Variants in TMEM120B observed in about 807,000 individuals in gnomAD.
TMEM120B encodes the protein transmembrane protein 120B.
TMEM120B carries 31 observed loss-of-function variants against 55.5 expected under a neutral mutation model. The ratio of observed to expected loss-of-function variants is 0.56; its 90% confidence interval spans 0.42 to 0.75. The LOEUF (loss-of-function observed/expected upper bound fraction) is 0.75, where lower values mean the gene tolerates loss of function less well. Ranked by LOEUF, TMEM120B falls within the 30% of genes least tolerant of loss-of-function variation. The probability of loss-of-function intolerance (pLI) is 0.00; values close to 1 mark genes in which losing one functional copy is unlikely to be tolerated. For missense variants in TMEM120B, 399 were observed against 425.5 expected (o/e 0.94, Z 0.55); for synonymous variants, 203 against 176.3 (o/e 1.15, Z -1.20).
intron 1 of TMEM120B, among the ~76,000 whole-genome samples, chr12:121,716,327 G>A (rs1894702659): frequency 6.6e-6 from 1 of 150,386 alleles, no homozygotes; most frequent in East Asian, 2.0e-4. Context: ...AAAAAAAAGA[G>A]ATTTGTTGGG....
intron 5 of TMEM120B, chr12:121,758,505 C>T (rs1275630504): frequency 2.1e-6 from 2 of 953,874 alleles, no homozygotes; most frequent in African/African-American, 2.4e-5. Context: ...CCCAGCCCCG[C>T]GCTGTGGTCA....
In TMEM120B at chr12:121,780,855, T is replaced by C. The variant is rs1478834660; in HGVS notation, c.*5133T>C. The C allele has an allele frequency of 3.1e-6, 5 of 1,609,302 alleles. No homozygotes were observed. In the South Asian group the frequency reaches 5.5e-5, roughly 18 times the overall value. On this transcript the variant is annotated 3_prime_UTR_variant, in exon 12 of 12. Transcript: ENST00000449592. ...TCACAGCCACGGCTGTGCCCCAGGG[T>C]CTTGGCCCCGGCCCACCTGCATGTA...
intron 1 of TMEM120B, among the ~76,000 whole-genome samples, chr12:121,734,436 T>G (rs1344435446): frequency 1.3e-5 from 2 of 151,784 alleles, no homozygotes; most frequent in African/African-American, 4.8e-5. Flanking sequence ...TTTTGTACTT[T>G]TAGTAGAGAT....
chr12:121,724,857 G>A (rs1215668468), intron 1 of TMEM120B, among the ~76,000 whole-genome samples: 1 of 151,896 alleles, frequency 6.6e-6, no homozygotes, highest in Non-Finnish European at 1.5e-5. Context: ...TGATCCACCC[G>A]CCTTGGCCTC....
At chr12:121,737,176 T>C (rs1872771129) in intron 1 of TMEM120B, among the ~76,000 whole-genome samples, 1 of 152,138 alleles carries the variant, frequency 6.6e-6, no homozygotes, top group East Asian at 1.9e-4. Flanking sequence ...CCTCTCTATG[T>C]GAGGCATAAT....
intron 1 of TMEM120B, among the ~76,000 whole-genome samples, chr12:121,738,628 AG>A (rs771950191): frequency 3.3e-5 from 5 of 152,238 alleles, no homozygotes; most frequent in Admixed American, 6.6e-5. Flanking sequence ...ATTAAAACAC[AG>A]CCTTTCTCCA....
In TMEM120B at chr12:121,781,183, T is replaced by C; in HGVS notation, c.*5461T>C. 1.2e-6 allele frequency: 2 copies of C among 1,614,154 alleles called. No homozygotes were observed. The highest frequency in any genetic ancestry group is 1.7e-5 in the Admixed American group (1 of 60,022). ...GGACAGGGGCCGCAGCCGGTCATAG[T>C]CTTCTTGCCCTGAAAGCACAGAGCA... On this transcript the variant is annotated 3_prime_UTR_variant, in exon 12 of 12. Coordinates refer to ENST00000449592, the MANE Select transcript of TMEM120B (RefSeq NM_001080825.2).
At chr12:121,732,814 C>A (rs1038467617) in intron 1 of TMEM120B, among the ~76,000 whole-genome samples, 1 of 151,972 alleles carries the variant, frequency 6.6e-6, no homozygotes, top group Non-Finnish European at 1.5e-5. Flanking sequence ...CCTGTCTCTA[C>A]TAAAAATACA....
intron 1 of TMEM120B, among the ~76,000 whole-genome samples, chr12:121,741,243 ATG>A (rs1004827528): frequency 6.6e-6 from 1 of 152,176 alleles, no homozygotes; most frequent in African/African-American, 2.4e-5. Context: ...ATACAGCATG[ATG>A]GAACAGCTAG....
intron 2 of TMEM120B, among the ~76,000 whole-genome samples, chr12:121,744,591 G>A (rs535495358): frequency 2.0e-4 from 30 of 152,290 alleles, no homozygotes; most frequent in African/African-American, 7.0e-4. Flanking sequence ...CAGTTCCCAA[G>A]GCCTGGATCG....
At chr12:121,733,000 A>G (rs1452074693) in intron 1 of TMEM120B, among the ~76,000 whole-genome samples, 1 of 151,098 alleles carries the variant, frequency 6.6e-6, no homozygotes, top group Non-Finnish European at 1.5e-5. Flanking sequence ...AAAAAAATCT[A>G]ATAACAAGCC....
chr12:121,717,878 G>A (rs1226392643), intron 1 of TMEM120B, among the ~76,000 whole-genome samples: 7 of 152,038 alleles, frequency 4.6e-5, no homozygotes, highest in African/African-American at 1.7e-4. Flanking sequence ...GGCTGGTCTC[G>A]AATTCCTGAC....
chr12:121,758,107 GA>G, intron 5 of TMEM120B: 2 of 972,984 alleles, frequency 2.1e-6, no homozygotes, highest in Non-Finnish European at 1.2e-6. Flanking sequence ...TCTAAAAACA[GA>G]AAAAAATTGC....
intron 5 of TMEM120B, among the ~76,000 whole-genome samples, chr12:121,754,349 A>G (rs889851068): frequency 2.6e-5 from 4 of 152,348 alleles, no homozygotes; most frequent in African/African-American, 4.8e-5. Flanking sequence ...CTGAGGCCCA[A>G]GGTTCCCCGA....
At chr12:121,714,097 C>G (rs1278214729) in intron 1 of TMEM120B, among the ~76,000 whole-genome samples, 1 of 152,040 alleles carries the variant, frequency 6.6e-6, no homozygotes, top group East Asian at 1.9e-4. Flanking sequence ...TGGGGGTGCC[C>G]TTTCAGGCAT....
At chr12:121,761,795 G>A (rs892502415) in intron 6 of TMEM120B, 57 bp downstream of exon 6, 24 of 1,433,408 alleles carry the variant, frequency 1.7e-5, no homozygotes, top group South Asian at 2.3e-5. Flanking sequence ...GAAATGTCAC[G>A]AGGGGCGTCA....
chr12:121,734,059 C>T (rs1338375095), intron 1 of TMEM120B, among the ~76,000 whole-genome samples: 1 of 151,966 alleles, frequency 6.6e-6, no homozygotes, highest in Non-Finnish European at 1.5e-5. Context: ...GCGGCGTGGC[C>T]CAGGGTGAGT....
At chr12:121,738,857 G>A (rs963831400) in intron 1 of TMEM120B, among the ~76,000 whole-genome samples, 1 of 152,066 alleles carries the variant, frequency 6.6e-6, no homozygotes, top group Admixed American at 6.6e-5. Context: ...CCCCACTGGG[G>A]GACATTCTTC....
At chr12:121,716,267 C>T (rs1433508411) in intron 1 of TMEM120B, among the ~76,000 whole-genome samples, 1 of 150,036 alleles carries the variant, frequency 6.7e-6, no homozygotes, top group African/African-American at 2.5e-5. Flanking sequence ...ATGATTGCAC[C>T]ACTGTACTCT....
Sources: allele counts gnomAD v4.1 joint callset (sites outside exome capture counted in the v4.1 genomes callset), GRCh38; gene constraint gnomAD v4.1.1; transcripts MANE v1.5; gene names NCBI Gene and HGNC (gene_info 2026-07-23, HGNC 2026-07-21).